The following PLPPR1 variants were observed in gnomAD, a reference collection of about 807,000 sequenced individuals.
PLPPR1 encodes phospholipid phosphatase related 1, also known as phospholipid phosphatase-related protein type 1.
A neutral mutation model predicts 33.1 loss-of-function variants in PLPPR1; 10 were observed. That is an observed-to-expected ratio of 0.30 (90% CI 0.19 to 0.51). PLPPR1 has a LOEUF of 0.51. PLPPR1 is among the 20% of genes least tolerant of loss of function. The probability of loss-of-function intolerance (pLI) is 0.97; values close to 1 mark genes in which losing one functional copy is unlikely to be tolerated. For synonymous variants in PLPPR1, 151 were observed against 151.0 expected (o/e 1.00, Z 0.00); for missense variants, 304 against 408.1 (o/e 0.74, Z 2.20).
intron 2 of PLPPR1, among the ~76,000 whole-genome samples, chr9:101,224,412 T>C (rs1827016448): frequency 6.6e-6 from 1 of 152,200 alleles, no homozygotes; most frequent in Non-Finnish European, 1.5e-5. Flanking sequence ...TTTCCCTTCT[T>C]TTCACTGAAC....
chr9:101,050,640 A>AG (rs1231042058), intron 1 of PLPPR1, among the ~76,000 whole-genome samples: 1 of 152,170 alleles, frequency 6.6e-6, no homozygotes, highest in African/African-American at 2.4e-5. Context: ...CAGAAGAGGG[A>AG]GGAGGGATGA....
chr9:101,311,554 A>T (rs1313491162), intron 5 of PLPPR1, among the ~76,000 whole-genome samples: 1 of 152,226 alleles, frequency 6.6e-6, no homozygotes, highest in Non-Finnish European at 1.5e-5. Context: ...GAATATATGC[A>T]GCATAGGTTT....
At chr9:101,183,302 T>A (rs556910728) in intron 1 of PLPPR1, among the ~76,000 whole-genome samples, 1 of 151,796 alleles carries the variant, frequency 6.6e-6, no homozygotes, top group Non-Finnish European at 1.5e-5. Flanking sequence ...GCAATAGCCA[T>A]ACAATGGAAT....
At chr9:101,199,083 T>C (rs533108184) in intron 2 of PLPPR1, among the ~76,000 whole-genome samples, 8 of 152,322 alleles carry the variant, frequency 5.3e-5, no homozygotes, top group African/African-American at 1.7e-4. Flanking sequence ...ATACAATAGA[T>C]ACCATATTCC....
At chr9:101,029,394 G>A (rs1041735460) in intron 1 of PLPPR1, among the ~76,000 whole-genome samples, 1 of 152,206 alleles carries the variant, frequency 6.6e-6, no homozygotes, top group African/African-American at 2.4e-5. Context: ...GGGGCGTGGA[G>A]GCTCCCTCCG....
At chr9:101,214,637 A>C (rs190816608) in intron 2 of PLPPR1, among the ~76,000 whole-genome samples, 111 of 152,348 alleles carry the variant, frequency 7.3e-4, no homozygotes, top group Non-Finnish European at 1.1e-3. Flanking sequence ...TATTCATTAA[A>C]TTGGTTTGGA....
intron 1 of PLPPR1, among the ~76,000 whole-genome samples, chr9:101,079,565 T>A (rs1445935703): frequency 6.9e-6 from 1 of 145,104 alleles, no homozygotes; most frequent in Non-Finnish European, 1.5e-5. Context: ...TGCTCTATTA[T>A]CTTTTCATTT....
intron 2 of PLPPR1, among the ~76,000 whole-genome samples, chr9:101,234,087 A>G (rs1827245946): frequency 6.6e-6 from 1 of 151,790 alleles, no homozygotes; most frequent in African/African-American, 2.4e-5. Context: ...AAGGATTTAC[A>G]TTTACATGGT....
In PLPPR1 at chr9:101,246,055, AATATATATATATATATAT is replaced by A. The variant is rs58070017; in HGVS notation, c.64-23787_64-23770del. ...CATATACCTCTCAAAATTGAATATG[AATATATATATATATATAT>A]ATATATATATATATATATATATATA... On this transcript the variant is annotated intron_variant, in intron 2 of 7. Coordinates refer to ENST00000374874, the MANE Select transcript of PLPPR1 (RefSeq NM_207299.2). 9.9e-3 allele frequency among the ~76,000 whole-genome samples: 848 copies of A among 85,646 alleles called. 17 individuals carry two copies. The highest frequency in any genetic ancestry group is 0.02 in the South Asian group (52 of 2,658). The allele number at this position is 85,646 out of a possible 152,430, so 56.2% of individuals were successfully genotyped here. A position where few individuals can be genotyped will look rare whatever the true frequency, so the allele number is the denominator to read the frequency against.
intron 2 of PLPPR1, among the ~76,000 whole-genome samples, chr9:101,231,884 C>A (rs1827194486): frequency 6.6e-6 from 1 of 152,032 alleles, no homozygotes; most frequent in Admixed American, 6.6e-5. Flanking sequence ...TTCTGAATTT[C>A]TCTCATTATC....
chr9:101,043,579 A>G (rs750480058), intron 1 of PLPPR1, among the ~76,000 whole-genome samples: 1 of 151,920 alleles, frequency 6.6e-6, no homozygotes, highest in Non-Finnish European at 1.5e-5. Flanking sequence ...CATTTTTGCA[A>G]TTGCGAATTT....
At chr9:101,296,822 G>A (rs1477219846) in intron 4 of PLPPR1, among the ~76,000 whole-genome samples, 1 of 151,710 alleles carries the variant, frequency 6.6e-6, no homozygotes, top group African/African-American at 2.4e-5. Flanking sequence ...GGGAGGGATA[G>A]CATTAGGAGA....
Position 101,324,126 on chromosome 9 carries a change from G to A in PLPPR1, c.*69G>A. 2 of 1,282,032 alleles carry A rather than the reference G, an allele frequency of 1.6e-6. No homozygotes were observed. The highest frequency in any genetic ancestry group is 2.3e-6 in the Non-Finnish European group (2 of 887,134). 79.4% of individuals were successfully genotyped at this position (1,282,032 alleles called of 1,614,324 possible). A position where few individuals can be genotyped will look rare whatever the true frequency, so the allele number is the denominator to read the frequency against. ...ATTCTATACTTCAAAACACACAGTTGCTCAATGTCAAACTGTGATGACAAA... is the reference window on the plus strand; with the variant it reads ...ATTCTATACTTCAAAACACACAGTTACTCAATGTCAAACTGTGATGACAAA... On this transcript the variant is annotated 3_prime_UTR_variant, in exon 8 of 8. Coordinates refer to ENST00000374874, the MANE Select transcript of PLPPR1 (RefSeq NM_207299.2).
At chr9:101,110,625 G>C (rs1831044386) in intron 1 of PLPPR1, among the ~76,000 whole-genome samples, 1 of 152,146 alleles carries the variant, frequency 6.6e-6, no homozygotes, top group African/African-American at 2.4e-5. Flanking sequence ...GATTGAGGTA[G>C]AGATATAATG....
At chr9:101,316,066 G>A (rs556988360) in intron 6 of PLPPR1, among the ~76,000 whole-genome samples, 3 of 152,278 alleles carry the variant, frequency 2.0e-5, no homozygotes, top group East Asian at 3.9e-4. Flanking sequence ...CAATAGCCAT[G>A]CAACCAATAA....
At chr9:101,131,220 T>C (rs148492664) in intron 1 of PLPPR1, among the ~76,000 whole-genome samples, 1 of 152,290 alleles carries the variant, frequency 6.6e-6, no homozygotes, top group Non-Finnish European at 1.5e-5. Flanking sequence ...CATTCTGGAA[T>C]AATCATGGGT....
rs1249953933 is a variant in PLPPR1, at chr9:101,246,107, T to TATAGATAGATAG, written c.64-23766_64-23755dup. 4.7e-3 allele frequency among the ~76,000 whole-genome samples: 462 copies of TATAGATAGATAG among 98,110 alleles called. 4 individuals are homozygous for TATAGATAGATAG. The highest frequency in any genetic ancestry group is 7.5e-3 in the South Asian group (24 of 3,204). 64.4% of individuals were successfully genotyped at this position (98,110 alleles called of 152,430 possible). ...ATATATATATATATATATATATATATATAGATAGATAGATAGATTTGTATA... is the reference window on the plus strand; with the variant it reads ...ATATATATATATATATATATATATATATAGATAGATAGATAGATAGATAGATAGATTTGTATA... On this transcript the variant is annotated intron_variant, in intron 2 of 7. Coordinates refer to ENST00000374874, the MANE Select transcript of PLPPR1 (RefSeq NM_207299.2).
intron 1 of PLPPR1, among the ~76,000 whole-genome samples, chr9:101,052,139 G>A (rs1158863060): frequency 6.6e-6 from 1 of 151,992 alleles, no homozygotes; most frequent in African/African-American, 2.4e-5. Context: ...CTTATGGTAA[G>A]GATTAATAAC....
intron 1 of PLPPR1, among the ~76,000 whole-genome samples, chr9:101,132,439 A>C: frequency 6.6e-6 from 1 of 152,196 alleles, no homozygotes; most frequent in East Asian, 1.9e-4. Context: ...TTTCAACTAT[A>C]TGTCATTCTG....
Sources: gnomAD v4.1 joint callset for allele counts (sites outside exome capture counted in the v4.1 genomes callset) on GRCh38, gnomAD v4.1.1 for gene constraint, MANE v1.5 for transcripts, NCBI Gene and HGNC (gene_info 2026-07-23, HGNC 2026-07-21) for gene names.